The following KLHDC1 variants were observed in gnomAD, a reference collection of about 807,000 sequenced individuals.
KLHDC1 encodes the protein kelch domain containing 1.
In KLHDC1, 53 loss-of-function variants were observed where a neutral mutation model predicts 68.3. That is an observed-to-expected ratio of 0.78 (90% CI 0.62 to 0.98). The LOEUF is 0.98. Ranked by LOEUF, KLHDC1 falls within the 50% of genes least tolerant of loss-of-function variation. KLHDC1 has a pLI of 0.00. For missense variants in KLHDC1, 470 were observed against 492.3 expected (o/e 0.95, Z 0.43); for synonymous variants, 148 against 159.0 (o/e 0.93, Z 0.52).
At chr14:49,695,076 T>A (rs1219474456) in intron 1 of KLHDC1, among the ~76,000 whole-genome samples, 1 of 151,768 alleles carries the variant, frequency 6.6e-6, no homozygotes, top group Non-Finnish European at 1.5e-5. Flanking sequence ...TGAGCCTTCC[T>A]TTCACAAAAT....
chr14:49,719,283 C>T (rs1232155262), intron 4 of KLHDC1, among the ~76,000 whole-genome samples: 1 of 151,954 alleles, frequency 6.6e-6, no homozygotes, highest in Non-Finnish European at 1.5e-5. Flanking sequence ...TTCGCTGCAT[C>T]TCGTAAGTTT....
At chr14:49,744,706 A>G (rs1889158041) in intron 12 of KLHDC1, among the ~76,000 whole-genome samples, 1 of 152,126 alleles carries the variant, frequency 6.6e-6, no homozygotes, top group Non-Finnish European at 1.5e-5. Context: ...TGTATTGTTT[A>G]GGGAATAATT....
intron 4 of KLHDC1, among the ~76,000 whole-genome samples, chr14:49,719,494 T>C (rs929412586): frequency 2.0e-5 from 3 of 151,804 alleles, no homozygotes; most frequent in Non-Finnish European, 2.9e-5. Flanking sequence ...AGTGATGCGA[T>C]CTGAGCTCAC....
rs553856966 is a variant in KLHDC1, at chr14:49,711,198, G to GTTTA, written c.404+833_404+836dup. ...ACTTTATTTATTTATTTATTTGTTTGTTTATTTATTTATTTATTTTTGTGA... is the reference window on the plus strand; with the variant it reads ...ACTTTATTTATTTATTTATTTGTTTGTTTATTTATTTATTTATTTATTTTTGTGA... On this transcript the variant is annotated intron_variant, in intron 4 of 12. Transcript: ENST00000359332. Among the ~76,000 whole-genome samples, 4 of 151,370 alleles carry GTTTA rather than the reference G, an allele frequency of 2.6e-5. No individual in the cohort carries two copies. In the South Asian group the frequency reaches 6.3e-4, roughly 24 times the overall value.
At chr14:49,725,308 C>G (rs1888638175) in intron 5 of KLHDC1, among the ~76,000 whole-genome samples, 1 of 1,058 alleles carries the variant, frequency 9.5e-4, no homozygotes, top group South Asian at 0.015. Flanking sequence ...GACCCACCCC[C>G]TAAAGTTTAT....
chr14:49,749,677 C>CAAAA (rs1191978580), intron 12 of KLHDC1, among the ~76,000 whole-genome samples: 3 of 53,762 alleles, frequency 5.6e-5, no homozygotes, highest in African/African-American at 1.3e-4. Context: ...GACTCCGTCT[C>CAAAA]AAAAAAAAAA....
At chr14:49,693,314 G>A (rs772018327) in intron 1 of KLHDC1, 24 bp downstream of exon 1, 50 of 1,437,030 alleles carry the variant, frequency 3.5e-5, no homozygotes, top group Non-Finnish European at 4.5e-5. Flanking sequence ...GCGGGACGGG[G>A]TAGACTCGCG....
At chr14:49,741,375 G>A (rs998548930) in intron 11 of KLHDC1, among the ~76,000 whole-genome samples, 1 of 151,304 alleles carries the variant, frequency 6.6e-6, no homozygotes, top group South Asian at 2.1e-4. Context: ...GCATGATCTC[G>A]GTTCGCTGCA....
intron 1 of KLHDC1, among the ~76,000 whole-genome samples, chr14:49,704,758 T>C (rs1888004324): frequency 6.6e-6 from 1 of 152,180 alleles, no homozygotes; most frequent in South Asian, 2.1e-4. Flanking sequence ...GAGAATTCTT[T>C]TTTTTGAAAG....
Position 49,751,834 on chromosome 14 carries a change from C to A in KLHDC1, c.*62C>A. 1.3e-6 allele frequency: 1 copy of A among 768,990 alleles called. No homozygotes were observed. The highest frequency in any genetic ancestry group is 1.9e-6 in the Non-Finnish European group (1 of 526,212). 47.6% of individuals were successfully genotyped at this position (768,990 alleles called of 1,614,324 possible). The stretch of plus-strand genomic sequence containing the variant: ...TTTTTAATCAGACTATACATTTACA[C>A]TCCCAAATTGCAGGCTTTATTTAAA... On this transcript the variant is annotated 3_prime_UTR_variant, in exon 13 of 13. Coordinates refer to ENST00000359332, the MANE Select transcript of KLHDC1 (RefSeq NM_172193.3).
chr14:49,741,752 C>T (rs1446521697), intron 11 of KLHDC1, among the ~76,000 whole-genome samples: 1 of 152,100 alleles, frequency 6.6e-6, no homozygotes, highest in Non-Finnish European at 1.5e-5. Flanking sequence ...TCTTTCACTC[C>T]TAGCACCCTG....
At chr14:49,714,893 TAATATA>T (rs1366176732) in intron 4 of KLHDC1, among the ~76,000 whole-genome samples, 1 of 147,700 alleles carries the variant, frequency 6.8e-6, no homozygotes, top group African/African-American at 2.5e-5. Context: ...CATGTATACT[TAATATA>T]TATTTATATA....
intron 1 of KLHDC1, among the ~76,000 whole-genome samples, chr14:49,700,495 G>A (rs1887873358): frequency 6.6e-6 from 1 of 152,090 alleles, no homozygotes; most frequent in Admixed American, 6.5e-5. Flanking sequence ...GAGGTGGGAG[G>A]ATCACTTGAG....
rs1199591349 is a variant in KLHDC1 at position 49,753,040 on chromosome 14, T to G, written c.*1268T>G. On this transcript the variant is annotated 3_prime_UTR_variant, in exon 13 of 13. Transcript: ENST00000359332. ...TACTGTATTTTGGATGTGTAAAGCT[T>G]CTATGTATTGAAATATTTTTTTACG... 1.3e-5 allele frequency: 2 copies of G among 152,126 alleles called. No individual in the cohort carries two copies. The highest frequency in any genetic ancestry group is 4.8e-5 in the African/African-American group (2 of 41,452). The allele number at this position is 152,126 out of a possible 1,614,324, so 9.4% of individuals were successfully genotyped here.
In KLHDC1 at chr14:49,752,580, TAATGA is replaced by T. The variant is rs1889341055; in HGVS notation, c.*809_*813del. ...CTGCTTCTAAAGTAATTTTTGTAAGTAATGAGATGGGATGGTAATCTAGTAATTTG... is the reference window on the plus strand; with the variant it reads ...CTGCTTCTAAAGTAATTTTTGTAAGTGATGGGATGGTAATCTAGTAATTTG... On this transcript the variant is annotated 3_prime_UTR_variant, in exon 13 of 13. Coordinates refer to ENST00000359332, the MANE Select transcript of KLHDC1 (RefSeq NM_172193.3). 6.6e-6 allele frequency: 1 copy of T among 152,482 alleles called. No homozygotes were observed. Among genetic ancestry groups the T allele is most frequent in the Non-Finnish European group, 1.5e-5 (1 of 67,954 alleles). The allele number at this position is 152,482 out of a possible 1,614,324, so 9.4% of individuals were successfully genotyped here.
intron 11 of KLHDC1, among the ~76,000 whole-genome samples, chr14:49,743,410 A>G (rs1484946275): frequency 2.0e-5 from 3 of 151,174 alleles, no homozygotes; most frequent in Non-Finnish European, 2.9e-5. Context: ...AAAAAAAAAA[A>G]AAAAAAGAAA....
intron 1 of KLHDC1, among the ~76,000 whole-genome samples, chr14:49,693,980 G>A (rs1887659610): frequency 6.6e-6 from 1 of 151,640 alleles, no homozygotes; most frequent in Non-Finnish European, 1.5e-5. Context: ...TTGAACTCGC[G>A]ACCTCAGGTG....
At chr14:49,726,762 T>C (rs1272352722) in intron 6 of KLHDC1, among the ~76,000 whole-genome samples, 2 of 152,168 alleles carry the variant, frequency 1.3e-5, no homozygotes, top group East Asian at 3.8e-4. Flanking sequence ...GACCATAGCC[T>C]CAGGAACCGG....
At chr14:49,717,516 G>A (rs1888410721) in intron 4 of KLHDC1, among the ~76,000 whole-genome samples, 2 of 152,078 alleles carry the variant, frequency 1.3e-5, no homozygotes, top group South Asian at 4.2e-4. Context: ...TTGGAGAAAT[G>A]TCTATTCAAA....
Sources: gnomAD v4.1 joint callset for allele counts (sites outside exome capture counted in the v4.1 genomes callset) on GRCh38, gnomAD v4.1.1 for gene constraint, MANE v1.5 for transcripts, NCBI Gene and HGNC (gene_info 2026-07-23, HGNC 2026-07-21) for gene names.